The following DOP1A variants were observed in gnomAD, a reference collection of about 807,000 sequenced individuals.
The protein encoded by DOP1A is protein DOP1A.
A neutral mutation model predicts 267.6 loss-of-function variants in DOP1A; 90 were observed. The observed-to-expected ratio is 0.34, with a 90% CI of 0.28 to 0.40. The LOEUF (loss-of-function observed/expected upper bound fraction) is 0.40. DOP1A is among the 10% of genes least tolerant of loss of function. The pLI, the probability that DOP1A is intolerant of heterozygous loss-of-function variation, is 1.00. For missense variants in DOP1A, 2,437 were observed against 2,900.4 expected, an observed-to-expected ratio of 0.84 and a Z score of 3.67; for synonymous variants, 932 against 999.1, an observed-to-expected ratio of 0.93 and a Z score of 1.27.
chr6:83,144,790 G>A (rs1344229737), intron 24 of DOP1A, among the ~76,000 whole-genome samples: 1 of 151,926 alleles, frequency 6.6e-6, no homozygotes, highest in Non-Finnish European at 1.5e-5. Flanking sequence ...GTTGAGCATG[G>A]TTGCTTTGGG....
intron 38 of DOP1A, among the ~76,000 whole-genome samples, chr6:83,163,975 A>G (rs1375622171): frequency 1.3e-5 from 2 of 151,746 alleles, no homozygotes; most frequent in African/African-American, 2.4e-5. Flanking sequence ...CCTACCAGCA[A>G]TGAAACTGGT....
intron 15 of DOP1A, 132 bp downstream of exon 15, chr6:83,125,865 G>C (rs1777073477): frequency 2.7e-6 from 2 of 736,352 alleles, no homozygotes; most frequent in Non-Finnish European, 4.2e-6. Flanking sequence ...TGCAGTGTTA[G>C]TAGGCTTGTA....
chr6:83,115,015 A>T (rs946498577), intron 7 of DOP1A, among the ~76,000 whole-genome samples: 15 of 152,172 alleles, frequency 9.9e-5, no homozygotes, highest in Admixed American at 9.2e-4. Context: ...ATAATAGAAT[A>T]CAATCCAAGT....
Position 83,139,108 on chromosome 6 carries a change from A to C in DOP1A, c.5066A>C (p.Asn1689Thr). 1 of 1,613,990 alleles carries C rather than the reference A, an allele frequency of 6.2e-7. No homozygotes were observed. The highest frequency in any genetic ancestry group is 8.5e-7 in the Non-Finnish European group (1 of 1,179,886). ...TCTGTGACACTACAACTGTGCAGAA[A>C]TTTAGATAATCTAATTCAGCAGTAC... The part of the protein sequence containing the change: ...VVSVTLQLCR[N>T]LDNLIQQYKY... The change falls in exon 21 of 39, where the codon AAT becomes ACT. Residue 1689 changes from asparagine (N) to threonine (T), a missense_variant. By Grantham distance (65) the Asn-to-Thr change is moderately conservative. Transcript: ENST00000349129.
intron 1 of DOP1A, among the ~76,000 whole-genome samples, chr6:83,082,560 TAGG>T (rs1768292537): frequency 6.6e-6 from 1 of 152,134 alleles, no homozygotes; most frequent in African/African-American, 2.4e-5. Context: ...GATATATAGT[TAGG>T]AGGAGTAAGT....
At chr6:83,167,837 C>T in intron 38 of DOP1A, 25 bp from the exon 39 acceptor site, 1 of 1,586,634 alleles carries the variant, frequency 6.3e-7, no homozygotes, top group Non-Finnish European at 8.6e-7. Context: ...TGTATTAATA[C>T]CAGTTCACTT....
chr6:83,074,727 A>G (rs1305257796), intron 1 of DOP1A, among the ~76,000 whole-genome samples: 1 of 152,206 alleles, frequency 6.6e-6, no homozygotes, highest in Admixed American at 6.5e-5. Flanking sequence ...ATTATAGTGA[A>G]TCAACGTGAA....
chr6:83,090,905 C>T (rs1375664044), intron 1 of DOP1A, among the ~76,000 whole-genome samples: 1 of 152,056 alleles, frequency 6.6e-6, no homozygotes, highest in East Asian at 1.9e-4. Flanking sequence ...GGAATTACAA[C>T]TAAATTTTTA....
chr6:83,125,307 A>T (rs1776989156), intron 14 of DOP1A, 112 bp downstream of exon 14: 1 of 1,200,480 alleles, frequency 8.3e-7, no homozygotes, highest in South Asian at 1.6e-5. Flanking sequence ...TATGCTTTGA[A>T]GTATTTAAAT....
intron 1 of DOP1A, among the ~76,000 whole-genome samples, chr6:83,085,388 T>C (rs991870479): frequency 6.6e-6 from 1 of 152,174 alleles, no homozygotes; most frequent in African/African-American, 2.4e-5. Context: ...TTTCAAAGTG[T>C]AACAAATGCT....
chr6:83,160,005 T>C (rs1783858215), intron 37 of DOP1A, 45 bp downstream of exon 37: 12 of 1,595,032 alleles, frequency 7.5e-6, no homozygotes, highest in Non-Finnish European at 1.0e-5. Flanking sequence ...TGAAAGTGCA[T>C]TTGCTTTGGT....
At chr6:83,145,988 A>C (rs1780583020) in intron 25 of DOP1A, among the ~76,000 whole-genome samples, 1 of 152,190 alleles carries the variant, frequency 6.6e-6, no homozygotes, top group Non-Finnish European at 1.5e-5. Context: ...TGCTTCTCTC[A>C]GTTGTTGCCA....
chr6:83,129,646 T>C, intron 16 of DOP1A, 138 bp downstream of exon 16: 15 of 803,806 alleles, frequency 1.9e-5, no homozygotes, highest in Non-Finnish European at 2.6e-5. Context: ...TTTTTAAAAA[T>C]GAAATACTGT....
intron 7 of DOP1A, among the ~76,000 whole-genome samples, chr6:83,118,145 A>T (rs1428607341): frequency 2.6e-5 from 4 of 152,170 alleles, no homozygotes; most frequent in Admixed American, 2.6e-4. Flanking sequence ...CCACATTATC[A>T]TCTAATTCTC....
Position 83,079,094 on chromosome 6 carries a change from A to T in DOP1A, c.-147+11315A>T, listed in dbSNP as rs1006464985. On this transcript the variant is annotated intron_variant, in intron 1 of 38. Transcript: ENST00000349129. ...CCATCAAGGGAGTTAACCCTTGTGC[A>T]AGGCTACTTTCTGTCACCATTCTTT... 1.4e-4 allele frequency among the ~76,000 whole-genome samples: 21 copies of T among 152,326 alleles called. No individual in the cohort carries two copies. The East Asian group carries it at 3.1e-3, about 22-fold the overall frequency.
At chr6:83,099,086 TG>T (rs1772046736) in intron 3 of DOP1A, among the ~76,000 whole-genome samples, 1 of 152,088 alleles carries the variant, frequency 6.6e-6, no homozygotes, top group Non-Finnish European at 1.5e-5. Context: ...AGAGAGAAAT[TG>T]TTTTCTGAGG....
At chr6:83,082,277 G>C (rs1334200722) in intron 1 of DOP1A, among the ~76,000 whole-genome samples, 1 of 152,208 alleles carries the variant, frequency 6.6e-6, no homozygotes, top group Non-Finnish European at 1.5e-5. Context: ...TCTATCAGCA[G>C]ATGAAGGGGC....
downstream of DOP1A, chr6:83,170,740 A>ACTAAGTCCC (rs1786910023): frequency 3.1e-6 from 1 of 318,776 alleles, no homozygotes; most frequent in Non-Finnish European, 5.5e-6. Flanking sequence ...ATACGATATG[A>ACTAAGTCCC]CTAAGTCCCA....
chr6:83,165,989 G>C, intron 38 of DOP1A: 1 of 327,062 alleles, frequency 3.1e-6, no homozygotes, highest in East Asian at 7.8e-5. Context: ...GTTTGGCTTT[G>C]GGAAGTGCTT....
Sources: allele counts gnomAD v4.1 joint callset (sites outside exome capture counted in the v4.1 genomes callset), GRCh38; gene constraint gnomAD v4.1.1; transcripts MANE v1.5; gene names NCBI Gene and HGNC (gene_info 2026-07-23, HGNC 2026-07-21).